Variants in CTPS2 observed in about 807,000 individuals in gnomAD.
The protein encoded by CTPS2 is CTP synthase 2, also known as CTP synthase II.
A neutral mutation model predicts 46.8 loss-of-function variants in CTPS2; 19 were observed. That is an observed-to-expected ratio of 0.41 (90% confidence interval 0.28 to 0.60). The LOEUF (loss-of-function observed/expected upper bound fraction) is 0.60, where lower values mean the gene tolerates loss of function less well. Among genes scored for constraint, CTPS2 ranks in the 20% least tolerant of loss-of-function variants. The pLI, the probability that CTPS2 is intolerant of heterozygous loss-of-function variation, is 0.35. For synonymous variants in CTPS2, 151 were observed against 165.2 expected, an observed-to-expected ratio of 0.91 and a Z score of 0.66; for missense variants, 286 against 447.6, an observed-to-expected ratio of 0.64 and a Z score of 3.26.
chrX:16,712,153 G>A (rs1925512639), intron 1 of CTPS2, 182 bp downstream of exon 1: 1 of 112,051 alleles, frequency 8.9e-6, no homozygotes, highest in Non-Finnish European at 1.9e-5. Flanking sequence ...CGAGCGCGGG[G>A]CTGGCGGCCG....
At chrX:16,618,693 T>A (rs1327933252) in intron 15 of CTPS2, among the ~76,000 whole-genome samples, 1 of 111,973 alleles carries the variant, frequency 8.9e-6, no homozygotes, top group Non-Finnish European at 1.9e-5. Context: ...ATTTCCCTGA[T>A]CACTAATGAT....
chrX:16,647,255 C>CTTTTTTTTTTTTTTT (rs746634342), intron 13 of CTPS2, among the ~76,000 whole-genome samples: 3 of 39,757 alleles, frequency 7.5e-5, no homozygotes, highest in African/African-American at 3.0e-4. Context: ...TGGGCCCATT[C>CTTTTTTTTTTTTTTT]TTTTTTTTTT....
intron 17 of CTPS2, among the ~76,000 whole-genome samples, chrX:16,597,997 T>A (rs1256072706): frequency 1.8e-4 from 20 of 108,564 alleles, no homozygotes; most frequent in African/African-American, 6.7e-4. Flanking sequence ...TCTCTGTTTG[T>A]CTGTTATTGG....
At chrX:16,677,646 T>C (rs191797171) in intron 10 of CTPS2, among the ~76,000 whole-genome samples, 5 of 111,371 alleles carry the variant, frequency 4.5e-5, no homozygotes, top group Admixed American at 3.8e-4. Flanking sequence ...CAGGATGAGA[T>C]AGGAGGTCAG....
At chrX:16,690,986 T>C (rs749585543) in intron 7 of CTPS2, among the ~76,000 whole-genome samples, 4 of 112,440 alleles carry the variant, frequency 3.6e-5, no homozygotes, top group African/African-American at 1.3e-4. Flanking sequence ...GTAGGCTTCA[T>C]GTGGTTCTCT....
rs1207364183 is a variant in CTPS2 at position 16,695,324 on chromosome X, C to T, written c.439-1837G>A. ...AGTCTCCCTGCTAATTCAGAAGTTC[C>T]CATTACCATACCTCTAGGTCACCCA... is the stretch of plus-strand genomic sequence containing the variant. On this transcript the variant is annotated intron_variant, in intron 4 of 18. Transcript: ENST00000359276. Among the ~76,000 whole-genome samples the T allele has an allele frequency of 3.0e-4, 33 of 110,279 alleles. No homozygotes were observed. In the Admixed American group the frequency reaches 3.0e-3, roughly 10 times the overall value.
chrX:16,596,591 A>G (rs1376019634), intron 17 of CTPS2, among the ~76,000 whole-genome samples: 1 of 110,972 alleles, frequency 9.0e-6, no homozygotes, highest in African/African-American at 3.3e-5. Context: ...CCAGTCTATC[A>G]TTGTTGGACA....
intron 14 of CTPS2, among the ~76,000 whole-genome samples, chrX:16,623,613 AG>A (rs1198554423): frequency 9.0e-6 from 1 of 110,508 alleles, no homozygotes; most frequent in East Asian, 2.8e-4. Flanking sequence ...ATGGCTGAAT[AG>A]TACTCCATTG....
At chrX:16,692,721 C>T (rs1407422355) in intron 6 of CTPS2, among the ~76,000 whole-genome samples, 1 of 110,721 alleles carries the variant, frequency 9.0e-6, no homozygotes, top group East Asian at 2.8e-4. Context: ...TCACAGGAGC[C>T]GTTTGAGAAT....
chrX:16,654,344 T>G, intron 13 of CTPS2: 1 of 770,641 alleles, frequency 1.3e-6, no homozygotes, highest in Non-Finnish European at 1.9e-6. Context: ...TGAGAATGTG[T>G]AGCAGTAACT....
At chrX:16,600,966 G>C (rs961413815) in intron 17 of CTPS2, among the ~76,000 whole-genome samples, 1 of 111,448 alleles carries the variant, frequency 9.0e-6, no homozygotes, top group African/African-American at 3.3e-5. Context: ...GCAAGTTTAG[G>C]AGTAGTGACT....
chrX:16,642,562 G>A (rs1932131465), intron 13 of CTPS2, among the ~76,000 whole-genome samples: 1 of 111,515 alleles, frequency 9.0e-6, no homozygotes, highest in South Asian at 3.8e-4. Flanking sequence ...TCAGGAAGCG[G>A]AAGGTCAGGG....
intron 13 of CTPS2, among the ~76,000 whole-genome samples, chrX:16,649,909 T>G (rs976651402): frequency 1.8e-5 from 2 of 111,640 alleles, no homozygotes; most frequent in Admixed American, 9.6e-5. Context: ...CAAATATAAT[T>G]CTACATTGGA....
Position 16,623,792 on chromosome X carries a change from C to CTTTTTT in CTPS2, c.1394-3466_1394-3461dup, listed in dbSNP as rs60328217. Among the ~76,000 whole-genome samples, 44 of 21,690 alleles carry CTTTTTT rather than the reference C, an allele frequency of 2.0e-3. 4 individuals carry two copies. Among genetic ancestry groups the CTTTTTT allele is most frequent in the African/African-American group, 4.1e-3 (22 of 5,313 alleles). The allele number at this position is 21,690 out of a possible 115,157, so 18.8% of individuals were successfully genotyped here. On this transcript the variant is annotated intron_variant, in intron 14 of 18. Transcript: ENST00000359276. The stretch of plus-strand genomic sequence containing the variant: ...ATACCCAGCAGTCATCCCCTCAATT[C>CTTTTTT]TTTTTTTTTTTTTTTTTTTTTTTTT...
At chrX:16,699,942 TG>T (rs780933325) in intron 2 of CTPS2, among the ~76,000 whole-genome samples, 21 of 107,228 alleles carry the variant, frequency 2.0e-4, no homozygotes, top group African/African-American at 4.5e-4. Flanking sequence ...TTTTTTTCAA[TG>T]TTTTTTTTTG....
At chrX:16,703,005 G>T in intron 1 of CTPS2, 64 bp from the exon 2 acceptor site, 25 of 635,369 alleles carry the variant, frequency 3.9e-5, no homozygotes, top group Non-Finnish European at 5.1e-5. Flanking sequence ...AGCAGACAGT[G>T]TATTCAACCA....
intron 14 of CTPS2, among the ~76,000 whole-genome samples, chrX:16,629,350 C>T (rs1931337770): frequency 8.9e-6 from 1 of 112,090 alleles, no homozygotes; most frequent in African/African-American, 3.2e-5. Flanking sequence ...TGGACCTGGG[C>T]TCTGGGGGCA....
chrX:16,693,325 A>T, intron 5 of CTPS2, 46 bp downstream of exon 5: 2 of 1,082,261 alleles, frequency 1.8e-6, no homozygotes, highest in Non-Finnish European at 2.6e-6. Context: ...ATATCATAGG[A>T]AAACTTATCA....
rs775010140 is a variant in CTPS2, at chrX:16,678,343, C to T, written c.1094+19G>A. 81 of 1,067,946 alleles carry T rather than the reference C, an allele frequency of 7.6e-5. No homozygotes were observed. In the South Asian group the frequency reaches 1.3e-3, roughly 17 times the overall value. The allele number at this position is 1,067,946 out of a possible 1,213,427, so 88.0% of individuals were successfully genotyped here. ...CAATGGTCCTATCCTAACTGGTGTG[C>T]GTGGGCCCTGGTACTCACTCAGCTT... On this transcript the variant is annotated intron_variant, in intron 10 of 18. Transcript: ENST00000359276.
Sources: gnomAD v4.1 joint callset for allele counts (sites outside exome capture counted in the v4.1 genomes callset) on GRCh38, gnomAD v4.1.1 for gene constraint, MANE v1.5 for transcripts, NCBI Gene and HGNC (gene_info 2026-07-23, HGNC 2026-07-21) for gene names.